LRMDA: variants seen among roughly 807,000 people sequenced by gnomAD.
LRMDA encodes the protein leucine rich melanocyte differentiation associated.
In LRMDA, 18 loss-of-function variants were observed where a neutral mutation model predicts 29.8. The observed-to-expected ratio is 0.60, with a 90% CI of 0.42 to 0.90. LRMDA has a LOEUF of 0.90. Ranked by LOEUF, LRMDA falls within the 40% of genes least tolerant of loss-of-function variation. The probability of loss-of-function intolerance (pLI) is 0.00; values close to 1 mark genes in which losing one functional copy is unlikely to be tolerated. For synonymous variants in LRMDA, 125 were observed against 109.4 expected, an observed-to-expected ratio of 1.14 and a Z score of -0.89; for missense variants, 273 against 273.9, an observed-to-expected ratio of 1.00 and a Z score of 0.02.
intron 5 of LRMDA, among the ~76,000 whole-genome samples, chr10:76,059,572 G>C (rs1299054738): frequency 6.6e-6 from 1 of 152,204 alleles, no homozygotes; most frequent in Non-Finnish European, 1.5e-5. Flanking sequence ...TCATTGCCTT[G>C]AGGCTCTGTG....
chr10:76,031,506 A>G (rs965643142), intron 2 of LRMDA, among the ~76,000 whole-genome samples: 3 of 152,128 alleles, frequency 2.0e-5, no homozygotes, highest in African/African-American at 7.2e-5. Flanking sequence ...TCAGTGGATG[A>G]GGCAGTACCG....
chr10:76,102,881 G>A (rs1849416580), intron 5 of LRMDA, among the ~76,000 whole-genome samples: 1 of 152,028 alleles, frequency 6.6e-6, no homozygotes, highest in Non-Finnish European at 1.5e-5. Context: ...TTAACTCTTG[G>A]GTTCAAGCAG....
At chr10:76,293,645 G>C (rs1840376821) in intron 5 of LRMDA, among the ~76,000 whole-genome samples, 1 of 152,194 alleles carries the variant, frequency 6.6e-6, no homozygotes, top group South Asian at 2.1e-4. Flanking sequence ...TGAGGAGTTA[G>C]GGGTCTTTGT....
intron 2 of LRMDA, among the ~76,000 whole-genome samples, chr10:75,793,266 T>C (rs999639323): frequency 6.6e-6 from 1 of 152,082 alleles, no homozygotes; most frequent in Non-Finnish European, 1.5e-5. Context: ...GAGGGCCCTG[T>C]TGAAGGATAT....
chr10:75,488,707 G>A (rs1844946510), intron 2 of LRMDA, among the ~76,000 whole-genome samples: 1 of 152,092 alleles, frequency 6.6e-6, no homozygotes. Context: ...GGAATATGCT[G>A]CTCTTCAAAG....
intron 2 of LRMDA, among the ~76,000 whole-genome samples, chr10:75,802,938 G>C (rs2132263076): frequency 9.3e-6 from 1 of 107,242 alleles, no homozygotes; most frequent in East Asian, 2.7e-4. Flanking sequence ...CATTATGTGT[G>C]TGTGTGTGTG....
chr10:76,390,581 G>A (rs1841711706), intron 6 of LRMDA, among the ~76,000 whole-genome samples: 1 of 151,832 alleles, frequency 6.6e-6, no homozygotes, highest in African/African-American at 2.4e-5. Context: ...GTATGTACCT[G>A]TGTAGCCATT....
chr10:76,192,946 G>A (rs181024444), intron 5 of LRMDA, among the ~76,000 whole-genome samples: 4 of 152,326 alleles, frequency 2.6e-5, no homozygotes, highest in Non-Finnish European at 5.9e-5. Flanking sequence ...GACTCATAAT[G>A]CCTTACAATA....
At chr10:75,818,613 G>C (rs1289445330) in intron 2 of LRMDA, among the ~76,000 whole-genome samples, 2 of 152,216 alleles carry the variant, frequency 1.3e-5, no homozygotes, top group Non-Finnish European at 2.9e-5. Context: ...TCCCTGCCCA[G>C]TGGCAATGGA....
chr10:76,548,375 T>A (rs1250848245), intron 6 of LRMDA, among the ~76,000 whole-genome samples: 4 of 150,968 alleles, frequency 2.6e-5, no homozygotes, highest in African/African-American at 9.8e-5. Flanking sequence ...AGAATCCTTA[T>A]AGGACAGTAT....
chr10:76,525,553 A>C lies in LRMDA; in HGVS notation c.602-31656A>C, dbSNP rs1028104825. 9.9e-5 allele frequency among the ~76,000 whole-genome samples: 15 copies of C among 152,240 alleles called. No individual in the cohort carries two copies. In the East Asian group the frequency reaches 2.3e-3, roughly 24 times the overall value. The stretch of plus-strand genomic sequence containing the variant: ...GAACCTGATTTTCTTCTTTGCTTCT[A>C]GTGTCCTGGGGCCTGGCCTATAATA... On this transcript the variant is annotated intron_variant, in intron 6 of 6. Transcript: ENST00000611255.
intron 2 of LRMDA, among the ~76,000 whole-genome samples, chr10:75,521,855 A>G (rs974234286): frequency 2.0e-5 from 3 of 152,232 alleles, no homozygotes; most frequent in Non-Finnish European, 4.4e-5. Flanking sequence ...GTTATGTTAT[A>G]TTAATTTTAT....
intron 5 of LRMDA, among the ~76,000 whole-genome samples, chr10:76,131,073 A>C (rs1849984295): frequency 6.6e-6 from 1 of 152,144 alleles, no homozygotes; most frequent in Non-Finnish European, 1.5e-5. Context: ...TTGCCTACCA[A>C]AAATGCACAT....
In LRMDA at chr10:76,429,739, C is replaced by A. The variant is rs78540213; in HGVS notation, c.601+105254C>A. ...GTGTCTTTCTTCTGTTGCAAAGAGG[C>A]TAAATTAAGATTTTAATTAATAGAT... On this transcript the variant is annotated intron_variant, in intron 6 of 6. Coordinates refer to ENST00000611255, the MANE Select transcript of LRMDA (RefSeq NM_001305581.2). Among the ~76,000 whole-genome samples, 931 of 152,228 alleles carry A rather than the reference C, an allele frequency of 6.1e-3. 5 individuals are homozygous for A. The highest frequency in any genetic ancestry group is 0.021 in the African/African-American group (857 of 41,520).
At chr10:75,628,676 T>C (rs894892034) in intron 2 of LRMDA, among the ~76,000 whole-genome samples, 4 of 152,224 alleles carry the variant, frequency 2.6e-5, no homozygotes, top group African/African-American at 7.2e-5. Flanking sequence ...AGTGGAATGC[T>C]TGTGCTCCCT....
intron 2 of LRMDA, among the ~76,000 whole-genome samples, chr10:75,875,669 T>C (rs1430660880): frequency 6.6e-6 from 1 of 152,184 alleles, no homozygotes; most frequent in Non-Finnish European, 1.5e-5. Context: ...TGACCTCAGG[T>C]GATCCACCTG....
At chr10:76,352,733 A>G (rs1336084327) in intron 6 of LRMDA, among the ~76,000 whole-genome samples, 1 of 152,052 alleles carries the variant, frequency 6.6e-6, no homozygotes, top group Non-Finnish European at 1.5e-5. Context: ...ATTATTATCA[A>G]TAGTGTTGTT....
intron 5 of LRMDA, among the ~76,000 whole-genome samples, chr10:76,308,209 A>C (rs1840582745): frequency 1.3e-5 from 2 of 152,048 alleles, no homozygotes; most frequent in Admixed American, 6.6e-5. Context: ...TTGAACATCA[A>C]TTTTCAATGG....
intron 5 of LRMDA, among the ~76,000 whole-genome samples, chr10:76,234,925 G>T (rs1196300212): frequency 6.6e-6 from 1 of 152,204 alleles, no homozygotes; most frequent in East Asian, 1.9e-4. Context: ...TATCATTCAT[G>T]TGCTCACTGG....
Sources: allele counts gnomAD v4.1 joint callset (sites outside exome capture counted in the v4.1 genomes callset), GRCh38; gene constraint gnomAD v4.1.1; transcripts MANE v1.5; gene names NCBI Gene and HGNC (gene_info 2026-07-23, HGNC 2026-07-21).